IQSEC1: variants seen among roughly 807,000 people sequenced by gnomAD.
IQSEC1 encodes the protein IQ motif and SEC7 domain-containing protein 1.
A neutral mutation model predicts 91.0 loss-of-function variants in IQSEC1; 31 were observed. The observed-to-expected ratio is 0.34, with a 90% CI of 0.26 to 0.46. The LOEUF is 0.46. IQSEC1 is among the 20% of genes least tolerant of loss of function. The pLI is 1.00. For missense variants in IQSEC1, 1,388 were observed against 1,575.6 expected (o/e 0.88, Z 2.02); for synonymous variants, 699 against 662.6 (o/e 1.05, Z -0.84).
rs73147210 is a variant in IQSEC1 at position 13,000,768 on chromosome 3, G to A, written c.24-58903C>T. Among the ~76,000 whole-genome samples the A allele has an allele frequency of 2.9e-3, 441 of 152,284 alleles. 3 individuals carry two copies. The highest frequency in any genetic ancestry group is 0.01 in the African/African-American group (421 of 41,562). ...GGCCAGTTGGTGGGCACAGCCCCAG[G>A]CTTGCAATAAACACAACTTCCATGA... is the stretch of plus-strand genomic sequence containing the variant. On this transcript the variant is annotated intron_variant, in intron 1 of 13. Coordinates refer to ENST00000613206, the MANE Select transcript of IQSEC1 (RefSeq NM_001134382.3).
intron 1 of IQSEC1, among the ~76,000 whole-genome samples, chr3:12,945,528 T>G (rs1024382652): frequency 2.6e-4 from 25 of 97,590 alleles, no homozygotes; most frequent in African/African-American, 9.1e-4. Flanking sequence ...CCTTCCACAC[T>G]CCAAAAAAAA....
chr3:13,191,183 C>G (rs1694023588), intron 1 of IQSEC1, among the ~76,000 whole-genome samples: 1 of 152,224 alleles, frequency 6.6e-6, no homozygotes, highest in African/African-American at 2.4e-5. Flanking sequence ...GGCCTGGACA[C>G]AGAAGCCTGA....
chr3:13,070,518 G>A (rs1705379023), intron 1 of IQSEC1, among the ~76,000 whole-genome samples: 1 of 152,180 alleles, frequency 6.6e-6, no homozygotes, highest in African/African-American at 2.4e-5. Context: ...TGCTGGGAGA[G>A]CCTGGGCCTA....
Position 12,901,185 on chromosome 3 carries a change from GGGTGGTGGT to G in IQSEC1, c.3134_3142del (p.His1045_His1047del), listed in dbSNP as rs753048535. On this transcript the variant is annotated inframe_deletion, in exon 14 of 14. Transcript: ENST00000613206. ...GTGTGCGTGCTGGATGTGCTGGGGTGGGTGGTGGTGGTGGTGATGGTGGTACGGGGGAGG... is the reference window on the plus strand; with the variant it reads ...GTGTGCGTGCTGGATGTGCTGGGGTGGGTGGTGATGGTGGTACGGGGGAGG... 1.1e-4 allele frequency: 162 copies of G among 1,540,764 alleles called. No homozygotes were observed. The highest frequency in any genetic ancestry group is 1.2e-4 in the Non-Finnish European group (141 of 1,140,774).
chr3:12,972,461 CG>C (rs1284312449), intron 1 of IQSEC1, among the ~76,000 whole-genome samples: 1 of 152,206 alleles, frequency 6.6e-6, no homozygotes, highest in African/African-American at 2.4e-5. Context: ...CCAGGTTCCT[CG>C]TCTTTCAAGC....
intron 2 of IQSEC1, among the ~76,000 whole-genome samples, chr3:13,092,934 T>C (rs565022277): frequency 1.2e-4 from 18 of 152,178 alleles, no homozygotes; most frequent in African/African-American, 3.9e-4. Context: ...CCCCCTCCCG[T>C]AGCCGGCTCC....
chr3:13,259,125 G>A lies in IQSEC1; in HGVS notation c.272+23586C>T, dbSNP rs149533600. Among the ~76,000 whole-genome samples the A allele has an allele frequency of 2.2e-4, 33 of 152,258 alleles. No homozygotes were observed. In the East Asian group the frequency reaches 5.2e-3, roughly 24 times the overall value. On this transcript the variant is annotated intron_variant, in intron 1 of 15. Transcript: ENST00000648114. This position sits in a 1 kb window ranked among gnomAD's most constrained non-coding sequence, Gnocchi z 4.6. ...CAAATCTTCCCAATGCTTCCCCACA[G>A]CAGCCAGAAAAAAATCCCAACTGCC... is the stretch of plus-strand genomic sequence containing the variant.
intron 1 of IQSEC1, among the ~76,000 whole-genome samples, chr3:13,264,959 T>C (rs568723775): frequency 9.2e-5 from 14 of 152,242 alleles, no homozygotes; most frequent in South Asian, 6.2e-4. Flanking sequence ...TCTGTCTGTC[T>C]GTCTGCCTCT....
intron 1 of IQSEC1, among the ~76,000 whole-genome samples, chr3:13,246,902 G>A (rs1019956794): frequency 3.3e-5 from 5 of 152,180 alleles, no homozygotes; most frequent in African/African-American, 4.8e-5. Flanking sequence ...CACCACGAGC[G>A]AATGGGGAGG....
chr3:13,061,156 C>T (rs779270542), intron 1 of IQSEC1, among the ~76,000 whole-genome samples: 20 of 152,134 alleles, frequency 1.3e-4, no homozygotes, highest in African/African-American at 3.6e-4. Context: ...TCCTACCCCT[C>T]GGTTCTGGCC....
chr3:12,956,547 C>T (rs759705900), intron 1 of IQSEC1, among the ~76,000 whole-genome samples: 1 of 152,234 alleles, frequency 6.6e-6, no homozygotes, highest in East Asian at 1.9e-4. Flanking sequence ...CAGACGCCCT[C>T]GTTCCTAAGT....
chr3:12,982,150 A>T (rs541721656), intron 1 of IQSEC1, among the ~76,000 whole-genome samples: 262 of 152,054 alleles, frequency 1.7e-3, no homozygotes, highest in African/African-American at 5.8e-3. Context: ...TTCTGCCAAA[A>T]TCCCCCCCAT....
At chr3:13,242,266 T>A (rs1241064749) in intron 1 of IQSEC1, among the ~76,000 whole-genome samples, 1 of 152,174 alleles carries the variant, frequency 6.6e-6, no homozygotes, top group Non-Finnish European at 1.5e-5. Flanking sequence ...CTGCTCAGAC[T>A]TTCTGAAGTC....
chr3:13,112,261 A>G (rs2124867408), intron 2 of IQSEC1, among the ~76,000 whole-genome samples: 1 of 152,336 alleles, frequency 6.6e-6, no homozygotes, highest in East Asian at 1.9e-4. Context: ...AAGGACTCCC[A>G]TGCTGGAGCT....
chr3:12,910,632 G>A (rs191415010), intron 10 of IQSEC1, among the ~76,000 whole-genome samples: 23 of 152,338 alleles, frequency 1.5e-4, no homozygotes, highest in Non-Finnish European at 2.9e-4. Context: ...TGGGCACGTG[G>A]GGAGCAGGGC....
chr3:13,053,130 A>G (rs1704750331), intron 1 of IQSEC1: 1 of 804,832 alleles, frequency 1.2e-6, no homozygotes, highest in African/African-American at 1.7e-5. Flanking sequence ...CATGGCGAGA[A>G]GCGGACTCAA....
chr3:13,184,784 G>A (rs529004931), intron 1 of IQSEC1, among the ~76,000 whole-genome samples: 2 of 152,256 alleles, frequency 1.3e-5, no homozygotes, highest in South Asian at 2.1e-4. Flanking sequence ...CAATTCCATC[G>A]TTTTCTATCT....
intron 1 of IQSEC1, among the ~76,000 whole-genome samples, chr3:13,192,995 A>C (rs1204845380): frequency 6.6e-6 from 1 of 152,222 alleles, no homozygotes; most frequent in African/African-American, 2.4e-5. Context: ...TGACAGCAAC[A>C]GGGGCCATCT....
intron 1 of IQSEC1, among the ~76,000 whole-genome samples, chr3:13,032,043 C>A (rs1476265553): frequency 6.6e-6 from 1 of 152,134 alleles, no homozygotes; most frequent in Non-Finnish European, 1.5e-5. Context: ...CCACTTGTTA[C>A]CATTGTATCC....
Sources: gnomAD v4.1 joint callset for allele counts (sites outside exome capture counted in the v4.1 genomes callset) on GRCh38, gnomAD v4.1.1 for gene constraint, Gnocchi (gnomAD v3.1) non-coding constraint, MANE v1.5 for transcripts, NCBI Gene and HGNC (gene_info 2026-07-23, HGNC 2026-07-21) for gene names.